Variants in ZNF638 observed in about 807,000 individuals in gnomAD.
ZNF638 encodes CTCL tumor antigen se33-1.
Under a neutral mutation model 195.6 loss-of-function variants are expected in ZNF638, and 46 were observed. The ratio of observed to expected loss-of-function variants is 0.24; its 90% CI spans 0.19 to 0.30. The LOEUF is 0.30. Among genes scored for constraint, ZNF638 ranks in the 10% least tolerant of loss-of-function variants. The pLI is 1.00. For synonymous variants in ZNF638, 845 were observed against 772.0 expected (o/e 1.09, Z -1.57); for missense variants, 2,440 against 2,325.3 (o/e 1.05, Z -1.01).
rs904737405 is a variant in ZNF638, at chr2:71,349,846, A to G, written c.892A>G (p.Ile298Val). 15 of 1,614,088 alleles carry G rather than the reference A, an allele frequency of 9.3e-6. No homozygotes were observed. The highest frequency in any genetic ancestry group is 1.6e-4 in the Middle Eastern group (1 of 6,084). ...ESGTKMSGLH[I>V]SGGQSVLEPI... ...TGGAACCAAGATGTCAGGCTTACAC[A>G]TTTCAGGAGGACAGTCAGTCCTTGA... Residue 298 changes from isoleucine to valine, a missense_variant, in exon 2 of 28, where the codon ATT (isoleucine) becomes GTT (valine). By Grantham distance (29) the Ile-to-Val change is conservative (BLOSUM62 3). Transcript: ENST00000264447.
intron 18 of ZNF638, among the ~76,000 whole-genome samples, 178 bp downstream of exon 18, chr2:71,405,820 A>G (rs1261437599): frequency 1.3e-5 from 2 of 152,214 alleles, no homozygotes; most frequent in Admixed American, 1.3e-4. Context: ...GTAGTACTTG[A>G]TGCGAAAAAA....
chr2:71,403,130 T>A (rs2080039283), intron 16 of ZNF638, among the ~76,000 whole-genome samples: 1 of 152,154 alleles, frequency 6.6e-6, no homozygotes, highest in Admixed American at 6.5e-5. Flanking sequence ...TTTAAACATT[T>A]ATGAAATTAA....
At chr2:71,400,590 C>A in intron 15 of ZNF638, 72 bp downstream of exon 15, 7 of 1,341,312 alleles carry the variant, frequency 5.2e-6, no homozygotes, top group South Asian at 1.5e-5. Context: ...TCTTATAAAC[C>A]CAGGTAAAAA....
intron 1 of ZNF638, among the ~76,000 whole-genome samples, chr2:71,335,937 A>G (rs1221245464): frequency 6.6e-6 from 1 of 152,232 alleles, no homozygotes; most frequent in Non-Finnish European, 1.5e-5. Context: ...GTTACGATTG[A>G]TAACTCTCAA....
chr2:71,347,435 A>C (rs995985782), intron 1 of ZNF638, among the ~76,000 whole-genome samples: 21 of 152,232 alleles, frequency 1.4e-4, no homozygotes, highest in Non-Finnish European at 2.8e-4. Flanking sequence ...AATTACTAAC[A>C]TTATATATAA....
chr2:71,400,099 C>G lies in ZNF638; in HGVS notation c.2588-13C>G, dbSNP rs769213693. On this transcript the variant is annotated splice_polypyrimidine_tract_variant and intron_variant, in intron 13 of 27. Transcript: ENST00000264447. ...TGTTTTACTAGACTATTAAAGCAGA[C>G]TATTTCATGCAGAAAACTCTGAAAT... 6.3e-7 allele frequency: 1 copy of G among 1,593,016 alleles called. No individual in the cohort carries two copies. The highest frequency in any genetic ancestry group is 8.5e-7 in the Non-Finnish European group (1 of 1,170,812).
chr2:71,396,027 T>A (rs1184505723), intron 10 of ZNF638, 114 bp from the exon 11 acceptor site: 1 of 871,476 alleles, frequency 1.1e-6, no homozygotes, highest in East Asian at 2.6e-5. Flanking sequence ...CAAAGATGAG[T>A]ATAGGGCTGT....
At chr2:71,396,430 C>T (rs1437843319) in intron 11 of ZNF638, among the ~76,000 whole-genome samples, 8 of 151,978 alleles carry the variant, frequency 5.3e-5, no homozygotes, top group Non-Finnish European at 1.2e-4. Flanking sequence ...CACATATTTT[C>T]CTCTTTCTCT....
intron 14 of ZNF638, 36 bp from the exon 15 acceptor site, chr2:71,400,434 TGATAAGTA>T (rs746043279): frequency 7.2e-5 from 113 of 1,569,268 alleles, no homozygotes; most frequent in Non-Finnish European, 9.2e-5. Context: ...AGTAGGATCT[TGATAAGTA>T]TGTCTGCATT....
Position 71,418,606 on chromosome 2 carries a change from A to G in ZNF638, c.3266A>G (p.Gln1089Arg). 1 of 1,554,754 alleles carries G rather than the reference A, an allele frequency of 6.4e-7. No individual in the cohort carries two copies. The highest frequency in any genetic ancestry group is 8.7e-7 in the Non-Finnish European group (1 of 1,150,800). Residue 1089 changes from glutamine (Q) to arginine (R), a missense_variant, in exon 21 of 28, where the codon CAA becomes CGA. Gln to Arg is a conservative substitution (Grantham distance 43). Coordinates refer to ENST00000264447, the MANE Select transcript of ZNF638 (RefSeq NM_014497.5). The part of the protein sequence containing the change: ...LSPKIDLPEV[Q>R]IEHDPELEKE... Reference sequence around the variant, plus strand: ...AAAATGCTGATTATATTACAGGTGCAAATTGAGCATGACCCAGAATTAGAA... The same window carrying G: ...AAAATGCTGATTATATTACAGGTGCGAATTGAGCATGACCCAGAATTAGAA...
chr2:71,353,282 A>C (rs1396316080), intron 2 of ZNF638, among the ~76,000 whole-genome samples: 1 of 152,214 alleles, frequency 6.6e-6, no homozygotes, highest in Non-Finnish European at 1.5e-5. Flanking sequence ...TTAAAGGAGA[A>C]ACTTCCCTTG....
In ZNF638 at chr2:71,394,157, A is replaced by G. The variant is rs548345187; in HGVS notation, c.2378-1984A>G. On this transcript the variant is annotated intron_variant, in intron 10 of 27. Coordinates refer to ENST00000264447, the MANE Select transcript of ZNF638 (RefSeq NM_014497.5). ...TTTAACATCTTAGACTGGAGCCCCCACGGTCATTTACAGGGCGACCATACT... is the reference window on the plus strand; with the variant it reads ...TTTAACATCTTAGACTGGAGCCCCCGCGGTCATTTACAGGGCGACCATACT... Among the ~76,000 whole-genome samples the G allele has an allele frequency of 1.4e-4, 21 of 152,204 alleles. No homozygotes were observed. The South Asian group carries it at 3.7e-3, about 27-fold the overall frequency.
intron 10 of ZNF638, among the ~76,000 whole-genome samples, chr2:71,385,464 TAC>T (rs1435958773): frequency 6.8e-6 from 1 of 147,216 alleles, no homozygotes; most frequent in African/African-American, 2.4e-5. Context: ...GAAATGAAAT[TAC>T]AGAGAGAGAA....
chr2:71,379,917 T>C (rs2079504672), intron 8 of ZNF638: 2 of 170,130 alleles, frequency 1.2e-5, no homozygotes, highest in South Asian at 3.9e-4. Context: ...TAAACTTTCA[T>C]GTATATACAG....
chr2:71,427,233 T>C lies in ZNF638; in HGVS notation c.5364T>C (p.Asn1788=), dbSNP rs1420022107. ...TTGGAGAGGAGGAAGATGGAGATAA[T>C]GATTTAAAAGTTGAGTTAGCACAAA... The part of the protein sequence containing the change: ...DEVGEEEDGD[N]DLKVELAQSK... Residue 1788 remains asparagine (N), a synonymous_variant, in exon 24 of 28, where the codon AAT becomes AAC. Transcript: ENST00000264447. The C allele has an allele frequency of 2.5e-6, 4 of 1,612,590 alleles. No individual in the cohort carries two copies. Among genetic ancestry groups the C allele is most frequent in the Non-Finnish European group, 2.5e-6 (3 of 1,179,682 alleles).
chr2:71,392,256 A>C (rs533966947), intron 10 of ZNF638, among the ~76,000 whole-genome samples: 13 of 152,212 alleles, frequency 8.5e-5, no homozygotes, highest in Non-Finnish European at 1.6e-4. Context: ...AGTTTTGCCA[A>C]CAAAAGTAGT....
chr2:71,400,264 T>C, intron 14 of ZNF638, 84 bp downstream of exon 14: 1 of 1,181,368 alleles, frequency 8.5e-7, no homozygotes, highest in Non-Finnish European at 1.2e-6. Context: ...GTATTACGAT[T>C]CATGTCTTTA....
chr2:71,425,313 G>A (rs2080516628), intron 23 of ZNF638, among the ~76,000 whole-genome samples: 1 of 152,050 alleles, frequency 6.6e-6, no homozygotes, highest in Non-Finnish European at 1.5e-5. Flanking sequence ...GTTTTAAGCA[G>A]AAATAAGGAT....
intron 3 of ZNF638, among the ~76,000 whole-genome samples, chr2:71,362,328 T>A (rs2079123967): frequency 6.6e-6 from 1 of 152,228 alleles, no homozygotes; most frequent in Non-Finnish European, 1.5e-5. Context: ...TCTACATGCC[T>A]GATTTCTAAA....
Sources: allele counts gnomAD v4.1 joint callset (sites outside exome capture counted in the v4.1 genomes callset), GRCh38; gene constraint gnomAD v4.1.1; transcripts MANE v1.5; gene names NCBI Gene and HGNC (gene_info 2026-07-23, HGNC 2026-07-21).